The following TRIM49 variants were observed in gnomAD, a reference collection of about 807,000 sequenced individuals.
The protein encoded by TRIM49 is tripartite motif containing 49, also known as tripartite motif-containing protein 49.
A neutral mutation model predicts 27.4 loss-of-function variants in TRIM49; 5 were observed. The ratio of observed to expected loss-of-function variants is 0.18; its 90% CI spans 0.10 to 0.38. The LOEUF is 0.38. TRIM49 is among the 10% of genes least tolerant of loss of function. TRIM49 has a pLI of 1.00. For synonymous variants in TRIM49, 69 were observed against 166.0 expected (o/e 0.42, Z 4.49); for missense variants, 188 against 487.5 (o/e 0.39, Z 5.79).
Position 89,801,097 on chromosome 11 carries a change from A to G in TRIM49, c.739-109T>C, listed in dbSNP as rs966188131. 31 of 1,468,656 alleles carry G rather than the reference A, an allele frequency of 2.1e-5. No individual in the cohort carries two copies. In the African/African-American group the frequency reaches 4.5e-4, roughly 21 times the overall value. The allele number at this position is 1,468,656 out of a possible 1,614,324, so 91.0% of individuals were successfully genotyped here. On this transcript the variant is annotated intron_variant, in intron 5 of 7. Coordinates refer to ENST00000329758, the MANE Select transcript of TRIM49 (RefSeq NM_020358.2). ...TTTCTGAAGATATTATTTCCCTACCATCTTCTCTTCTGGAAAGTATTTTCT... is the reference window on the plus strand; with the variant it reads ...TTTCTGAAGATATTATTTCCCTACCGTCTTCTCTTCTGGAAAGTATTTTCT...
At chr11:89,790,648 T>G in the TRIM49 span, among the ~76,000 whole-genome samples, 5 of 151,860 alleles carry the variant, frequency 3.3e-5, no homozygotes, top group Admixed American at 6.5e-5. Flanking sequence ...GTGTCTGGAG[T>G]GGACCTCCAG....
At chr11:89,802,978 G>T (rs970742956) in intron 4 of TRIM49, among the ~76,000 whole-genome samples, 1 of 150,270 alleles carries the variant, frequency 6.7e-6, no homozygotes, top group Non-Finnish European at 1.5e-5. Context: ...ATTCAACATA[G>T]ACTAGGTTCT....
the TRIM49 span, among the ~76,000 whole-genome samples, chr11:89,769,085 G>A: frequency 2.2e-5 from 3 of 133,630 alleles, no homozygotes; most frequent in African/African-American, 1.1e-4. Flanking sequence ...GGGAGGATGA[G>A]GCAGGAGAAT....
chr11:89,772,473 A>T, the TRIM49 span, among the ~76,000 whole-genome samples: 1 of 128,138 alleles, frequency 7.8e-6, no homozygotes. Flanking sequence ...ACATTCAAAG[A>T]CTTTATCTTT....
the TRIM49 span, among the ~76,000 whole-genome samples, chr11:89,774,384 C>G: frequency 6.6e-6 from 1 of 150,968 alleles, no homozygotes; most frequent in African/African-American, 2.5e-5. Context: ...GAGCTTTGAG[C>G]CCTCAAGTCT....
chr11:89,790,179 C>A, the TRIM49 span, among the ~76,000 whole-genome samples: 3 of 129,116 alleles, frequency 2.3e-5, no homozygotes, highest in African/African-American at 9.1e-5. Context: ...AGTCTGAGAT[C>A]AAACTGCAAG....
chr11:89,779,862 G>T, the TRIM49 span, among the ~76,000 whole-genome samples: 45 of 104,122 alleles, frequency 4.3e-4, no homozygotes, highest in African/African-American at 1.5e-3. Flanking sequence ...GAGGGCCTGA[G>T]GTCTTCTTCT....
Position 89,799,966 on chromosome 11 carries a change from A to C in TRIM49, c.762-153T>G, listed in dbSNP as rs1949721520. On this transcript the variant is annotated intron_variant, in intron 6 of 7. Transcript: ENST00000329758. The stretch of plus-strand genomic sequence containing the variant: ...TTCCTTTTGCAAATTAATTCTTTAC[A>C]GTTTCTAAATTTTAAAGCATGATGG... 9.8e-6 allele frequency: 6 copies of C among 613,398 alleles called. No homozygotes were observed. In the South Asian group the frequency reaches 9.9e-5, roughly 10 times the overall value. The allele number at this position is 613,398 out of a possible 1,614,324, so 38.0% of individuals were successfully genotyped here. A position where few individuals can be genotyped will look rare whatever the true frequency, so the allele number is the denominator to read the frequency against.
chr11:89,795,892 A>G (rs1156882945), downstream of TRIM49, among the ~76,000 whole-genome samples: 5 of 152,080 alleles, frequency 3.3e-5, no homozygotes, highest in South Asian at 8.3e-4. Context: ...TAATGAAAAA[A>G]AAAATCAAAC....
At chr11:89,769,928 A>G in the TRIM49 span, among the ~76,000 whole-genome samples, 1 of 126,638 alleles carries the variant, frequency 7.9e-6, no homozygotes, top group East Asian at 2.4e-4. Flanking sequence ...CATGTTTAGA[A>G]GCCACAGTTC....
chr11:89,807,595 G>T (rs1464389062), intron 1 of TRIM49, among the ~76,000 whole-genome samples: 6 of 150,694 alleles, frequency 4.0e-5, no homozygotes, highest in Non-Finnish European at 8.8e-5. Flanking sequence ...GAGTGCAGTA[G>T]CATAATCATA....
the TRIM49 span, among the ~76,000 whole-genome samples, chr11:89,767,939 C>T: frequency 1.5e-5 from 2 of 137,520 alleles, no homozygotes. Flanking sequence ...TTGAACCATA[C>T]ATGAATGGTT....
chr11:89,784,967 A>G, the TRIM49 span, among the ~76,000 whole-genome samples: 209 of 149,818 alleles, frequency 1.4e-3, no homozygotes, highest in African/African-American at 5.0e-3. Flanking sequence ...TTATGTTAGA[A>G]TATCACCAAG....
At chr11:89,768,049 A>G in the TRIM49 span, 1 of 479,096 alleles carries the variant, frequency 2.1e-6, no homozygotes, top group Non-Finnish European at 3.7e-6. Context: ...GTTTGAGGAT[A>G]GTGAAACTAT....
the TRIM49 span, among the ~76,000 whole-genome samples, chr11:89,791,261 T>C: frequency 2.6e-5 from 4 of 152,052 alleles, no homozygotes; most frequent in East Asian, 7.7e-4. Flanking sequence ...AGACCAAATC[T>C]GTGTCTGATT....
the TRIM49 span, among the ~76,000 whole-genome samples, chr11:89,769,714 C>T: frequency 1.7e-5 from 2 of 115,478 alleles, 1 homozygote; most frequent in African/African-American, 9.8e-5. Flanking sequence ...TATCAGCACG[C>T]ACAAGGCCAC....
rs774663650 is a variant in TRIM49 at position 89,798,485 on chromosome 11, G to C, written c.1004C>G (p.Thr335Ser). Reference sequence around the variant, plus strand: ...CCAGTAATATTTGCCCGAGGTGAAAGTCTGAACACCCCATGCAAGAAAACT... The same window carrying C: ...CCAGTAATATTTGCCCGAGGTGAAACTCTGAACACCCCATGCAAGAAAACT... ...PRSFLAWGVQ[T>S]FTSGKYYWEV... Residue 335 changes from threonine (T) to serine (S), a missense_variant, in exon 8 of 8, where the codon ACT becomes AGT. By Grantham distance (58) the Thr-to-Ser change is moderately conservative (BLOSUM62 1). This residue lies in a region of TRIM49 where 94 missense variants were observed against 149.6 expected (regional missense o/e 0.63). Coordinates refer to ENST00000329758, the MANE Select transcript of TRIM49 (RefSeq NM_020358.2). 2 of 1,593,804 alleles carry C rather than the reference G, an allele frequency of 1.3e-6. No homozygotes were observed. Among genetic ancestry groups the C allele is most frequent in the Non-Finnish European group, 1.7e-6 (2 of 1,173,616 alleles).
At chr11:89,790,537 C>G in the TRIM49 span, among the ~76,000 whole-genome samples, 1 of 151,992 alleles carries the variant, frequency 6.6e-6, no homozygotes, top group Non-Finnish European at 1.5e-5. Context: ...GCCACTTACT[C>G]CTCTGAGACG....
rs1746885169 is a variant in TRIM49 at position 89,808,123 on chromosome 11, T to C, written c.-191+314A>G. On this transcript the variant is annotated intron_variant, in intron 1 of 7. Transcript: ENST00000329758. The stretch of plus-strand genomic sequence containing the variant: ...GGGATTACACATAACTTTTAGCATA[T>C]AGGCAAATTCACAAATACAGAATCC... Among the ~76,000 whole-genome samples the C allele has an allele frequency of 2.8e-5, 4 of 144,558 alleles. No homozygotes were observed. The South Asian group carries it at 8.9e-4, about 32-fold the overall frequency. The allele number at this position is 144,558 out of a possible 152,430, so 94.8% of individuals were successfully genotyped here.
Sources: allele counts gnomAD v4.1 joint callset (sites outside exome capture counted in the v4.1 genomes callset), GRCh38; gene constraint gnomAD v4.1.1; regional missense constraint gnomAD v4.1.1; transcripts MANE v1.5; gene names NCBI Gene and HGNC (gene_info 2026-07-23, HGNC 2026-07-21).